Variants in MALRD1 observed in about 807,000 individuals in gnomAD.
MALRD1 encodes the protein MAM and LDL receptor class A domain containing 1.
Under a neutral mutation model 242.1 loss-of-function variants are expected in MALRD1, and 247 were observed. That is an observed-to-expected ratio of 1.02 (90% CI 0.92 to 1.13). The LOEUF is 1.13. Ranked by LOEUF, MALRD1 falls within the 50% of genes most tolerant of loss-of-function variation. The pLI is 0.00. For synonymous variants in MALRD1, 995 were observed against 866.6 expected (o/e 1.15, Z -2.60); for missense variants, 2,989 against 2,533.1 (o/e 1.18, Z -3.86).
At chr10:19,474,941 G>A (rs1836660712) in intron 29 of MALRD1, among the ~76,000 whole-genome samples, 1 of 151,972 alleles carries the variant, frequency 6.6e-6, no homozygotes, top group East Asian at 1.9e-4. Flanking sequence ...TGCCAAACAA[G>A]TACTGAAAAT....
chr10:19,121,050 T>C (rs1019219035), intron 5 of MALRD1, among the ~76,000 whole-genome samples: 17 of 148,586 alleles, frequency 1.1e-4, no homozygotes, highest in African/African-American at 4.2e-4. Context: ...GGCCTTTTTT[T>C]TTTTTTTTTT....
chr10:19,186,193 G>T (rs1835730376), intron 14 of MALRD1, among the ~76,000 whole-genome samples: 1 of 152,096 alleles, frequency 6.6e-6, no homozygotes, highest in African/African-American at 2.4e-5. Flanking sequence ...TTTTTCCTTA[G>T]TAAACTGGAT....
chr10:19,099,552 T>C (rs962507102), intron 4 of MALRD1, among the ~76,000 whole-genome samples: 1 of 152,122 alleles, frequency 6.6e-6, no homozygotes, highest in African/African-American at 2.4e-5. Flanking sequence ...TGATCTCTCC[T>C]ATGATCCACT....
At chr10:19,417,409 TAA>T in intron 28 of MALRD1, among the ~76,000 whole-genome samples, 1 of 152,222 alleles carries the variant, frequency 6.6e-6, no homozygotes, top group Admixed American at 6.5e-5. Context: ...TGTAAATACT[TAA>T]GAGTTTTTGA....
intron 24 of MALRD1, among the ~76,000 whole-genome samples, chr10:19,334,796 C>T (rs1843530835): frequency 6.6e-6 from 1 of 151,876 alleles, no homozygotes; most frequent in African/African-American, 2.4e-5. Flanking sequence ...TGTCATTTTC[C>T]CTTAAATATT....
chr10:19,275,929 T>A (rs1430566255), intron 19 of MALRD1, among the ~76,000 whole-genome samples: 1 of 152,200 alleles, frequency 6.6e-6, no homozygotes, highest in Non-Finnish European at 1.5e-5. Context: ...CACTGTTTTT[T>A]AAGACTTTTA....
chr10:19,163,767 T>G (rs1834549290), intron 12 of MALRD1, among the ~76,000 whole-genome samples: 6 of 152,202 alleles, frequency 3.9e-5, no homozygotes, highest in Admixed American at 3.9e-4. Flanking sequence ...TCCTTGGTAT[T>G]TAATAACTTA....
At chr10:19,593,223 A>G (rs1476630287) in intron 33 of MALRD1, among the ~76,000 whole-genome samples, 1 of 152,208 alleles carries the variant, frequency 6.6e-6, no homozygotes, top group Non-Finnish European at 1.5e-5. Flanking sequence ...CAGTTAGATT[A>G]AAACATGATA....
chr10:19,480,667 G>A (rs549168938), intron 29 of MALRD1, among the ~76,000 whole-genome samples: 1 of 152,340 alleles, frequency 6.6e-6, no homozygotes, highest in East Asian at 1.9e-4. Context: ...TAAGAGGCAA[G>A]GAGTGAGTGA....
At chr10:19,568,034 C>G (rs1011219624) in intron 33 of MALRD1, among the ~76,000 whole-genome samples, 3 of 152,148 alleles carry the variant, frequency 2.0e-5, no homozygotes, top group South Asian at 4.1e-4. Context: ...CCTGTGGCTA[C>G]CTATTATCTT....
At chr10:19,168,262 G>A (rs76243629) in intron 13 of MALRD1, among the ~76,000 whole-genome samples, 1 of 152,114 alleles carries the variant, frequency 6.6e-6, no homozygotes, top group Admixed American at 6.5e-5. Context: ...GCTGGTCATG[G>A]AATCATTTTG....
intron 29 of MALRD1, among the ~76,000 whole-genome samples, chr10:19,463,578 G>C (rs371898644): frequency 6.3e-5 from 3 of 47,536 alleles, no homozygotes; most frequent in African/African-American, 2.3e-4. Context: ...GTGTGTGTGT[G>C]TGTGTGTGTG....
chr10:19,436,297 T>C (rs1466935565), intron 28 of MALRD1, among the ~76,000 whole-genome samples: 1 of 152,196 alleles, frequency 6.6e-6, no homozygotes, highest in African/African-American at 2.4e-5. Context: ...TATACACATA[T>C]CTATAAATAT....
intron 21 of MALRD1, among the ~76,000 whole-genome samples, chr10:19,301,409 T>A (rs2131957084): frequency 6.6e-6 from 1 of 151,812 alleles, no homozygotes; most frequent in East Asian, 1.9e-4. Context: ...ACACATGCAC[T>A]ACATGTGTGT....
intron 33 of MALRD1, among the ~76,000 whole-genome samples, chr10:19,568,865 A>G (rs1250724189): frequency 6.6e-6 from 1 of 152,120 alleles, no homozygotes; most frequent in Non-Finnish European, 1.5e-5. Flanking sequence ...GAATTTGAAT[A>G]GTATGTGCCA....
chr10:19,726,197 A>G (rs754372788), intron 38 of MALRD1, among the ~76,000 whole-genome samples: 14 of 152,186 alleles, frequency 9.2e-5, no homozygotes, highest in Non-Finnish European at 1.5e-4. Context: ...ATTCAAAAGT[A>G]CGTATCTGAT....
chr10:19,676,938 T>C (rs1842162556), intron 36 of MALRD1, among the ~76,000 whole-genome samples: 2 of 152,188 alleles, frequency 1.3e-5, no homozygotes, highest in African/African-American at 2.4e-5. Context: ...GTTCTTGAGT[T>C]AGTTTGCTAA....
In MALRD1 at chr10:19,586,535, C is replaced by CTCGGGGG. The variant is rs1200318108; in HGVS notation, c.5681-8657_5681-8656insGGGGGTC. 2.0e-5 allele frequency among the ~76,000 whole-genome samples: 3 copies of CTCGGGGG among 152,274 alleles called. No homozygotes were observed. In the South Asian group the frequency reaches 6.2e-4, roughly 32 times the overall value. On this transcript the variant is annotated intron_variant, in intron 33 of 39. Transcript: ENST00000454679. Reference sequence around the variant, plus strand: ...TGGTGGGTCCCTCCCAGTTAGGCTGCTCAGGGGTCAGGGGTCAGGGACCCA... The same window carrying CTCGGGGG: ...TGGTGGGTCCCTCCCAGTTAGGCTGCTCGGGGGTCAGGGGTCAGGGGTCAGGGACCCA...
chr10:19,396,124 C>T (rs75580405), intron 28 of MALRD1, among the ~76,000 whole-genome samples: 2,704 of 144,926 alleles, frequency 0.019, 76 homozygotes, highest in African/African-American at 0.065. Context: ...TTCATTCCTT[C>T]GTTTCTTTTT....
Sources: gnomAD v4.1 joint callset for allele counts (sites outside exome capture counted in the v4.1 genomes callset) on GRCh38, gnomAD v4.1.1 for gene constraint, MANE v1.5 for transcripts, NCBI Gene and HGNC (gene_info 2026-07-23, HGNC 2026-07-21) for gene names.